PAH: variants seen among roughly 807,000 people sequenced by gnomAD.
PAH encodes the protein phenylalanine-4-hydroxylase.
PAH carries 64 observed loss-of-function variants against 62.0 expected under a neutral mutation model. The ratio of observed to expected loss-of-function variants is 1.03; its 90% CI spans 0.84 to 1.27. The LOEUF (loss-of-function observed/expected upper bound fraction) is 1.27, where lower values mean the gene tolerates loss of function less well. Among genes scored for constraint, PAH ranks in the 50% most tolerant of loss-of-function variants. The pLI is 0.00. For missense variants in PAH, 579 were observed against 542.8 expected, an observed-to-expected ratio of 1.07 and a Z score of -0.66; for synonymous variants, 195 against 196.2, an observed-to-expected ratio of 0.99 and a Z score of 0.05.
At chr12:102,885,715 A>G (rs1274875879) in intron 3 of PAH, among the ~76,000 whole-genome samples, 1 of 152,152 alleles carries the variant, frequency 6.6e-6, no homozygotes, top group Non-Finnish European at 1.5e-5. Context: ...CTTCCTGGCC[A>G]GTGGGTCAGA....
rs1319586288 is a variant in PAH, at chr12:102,944,618, T to C, written c.-96+5971A>G. On this transcript the variant is annotated intron_variant, in intron 1 of 3. Transcript: ENST00000546844. Reference sequence around the variant, plus strand: ...AATTCTTTTTAATTGTTTTAAATTTTGATAAATTCATCCAATAGAATTCTG... The same window carrying C: ...AATTCTTTTTAATTGTTTTAAATTTCGATAAATTCATCCAATAGAATTCTG... Among the ~76,000 whole-genome samples the C allele has an allele frequency of 3.3e-5, 5 of 152,260 alleles. 1 individual carries two copies. The highest frequency in any genetic ancestry group is 1.3e-4 in the Admixed American group (2 of 15,292).
chr12:102,935,338 A>G (rs1006864760), intron 1 of PAH, among the ~76,000 whole-genome samples: 1 of 152,074 alleles, frequency 6.6e-6, no homozygotes, highest in Non-Finnish European at 1.5e-5. Flanking sequence ...TTCTTTAGGA[A>G]TACTGGCCTG....
chr12:102,940,293 C>T (rs1297587874), intron 1 of PAH, among the ~76,000 whole-genome samples: 1 of 152,234 alleles, frequency 6.6e-6, no homozygotes, highest in Non-Finnish European at 1.5e-5. Flanking sequence ...CAAAAGACCA[C>T]ATTAGCTTTC....
rs138147996 is a variant in PAH, at chr12:102,881,458, G to A, written c.353-3908C>T. On this transcript the variant is annotated intron_variant, in intron 3 of 12. Transcript: ENST00000553106. Reference sequence around the variant, plus strand: ...TCTCATGTAGTCATTTTTCCTGTGCGGGTATGGAGTGGGACAAGGACACTT... The same window carrying A: ...TCTCATGTAGTCATTTTTCCTGTGCAGGTATGGAGTGGGACAAGGACACTT... Among the ~76,000 whole-genome samples the A allele has an allele frequency of 2.5e-3, 378 of 152,018 alleles. 1 individual carries two copies. Among genetic ancestry groups the A allele is most frequent in the African/African-American group, 8.4e-3 (347 of 41,456 alleles).
At chr12:102,843,473 C>T (rs1003258726) in intron 11 of PAH, among the ~76,000 whole-genome samples, 173 bp downstream of exon 11, 3 of 151,970 alleles carry the variant, frequency 2.0e-5, no homozygotes, top group Admixed American at 6.5e-5. Context: ...GCATGCCCAA[C>T]CTTCCAACAG....
chr12:102,838,160 T>G lies in PAH; in HGVS notation c.*1015A>C, dbSNP rs551888566. The G allele has an allele frequency of 6.6e-6, 1 of 152,322 alleles. No individual in the cohort carries two copies. Among genetic ancestry groups the G allele is most frequent in the African/African-American group, 2.4e-5 (1 of 41,580 alleles). 9.4% of individuals were successfully genotyped at this position (152,322 alleles called of 1,614,324 possible). A position where few individuals can be genotyped will look rare whatever the true frequency, so the allele number is the denominator to read the frequency against. On this transcript the variant is annotated 3_prime_UTR_variant, in exon 13 of 13. Transcript: ENST00000553106. Reference sequence around the variant, plus strand: ...ACAATCAACAAAAGTCAAAGTCCGTTGACTGTCCAGGCATGACTTTGAGTG... The same window carrying G: ...ACAATCAACAAAAGTCAAAGTCCGTGGACTGTCCAGGCATGACTTTGAGTG...
intron 1 of PAH, among the ~76,000 whole-genome samples, chr12:102,926,072 TAAAC>T (rs34836975): frequency 0.032 from 4,794 of 152,114 alleles, 260 homozygotes; most frequent in African/African-American, 0.11. Flanking sequence ...CTGTTTATGA[TAAAC>T]AGGAGAGTCT....
At chr12:102,944,962 C>T (rs1360012919) in intron 1 of PAH, 2 of 152,258 alleles carry the variant, frequency 1.3e-5, no homozygotes, top group African/African-American at 4.8e-5. Flanking sequence ...ATCACTGCGG[C>T]TGCATTTGCA....
intron 11 of PAH, among the ~76,000 whole-genome samples, chr12:102,843,337 G>A (rs901148229): frequency 9.2e-5 from 14 of 152,202 alleles, no homozygotes; most frequent in East Asian, 7.7e-4. Flanking sequence ...GACTTCCTAG[G>A]TTATAAGACT....
chr12:102,909,401 T>G (rs1361606781), intron 2 of PAH, among the ~76,000 whole-genome samples: 2 of 152,188 alleles, frequency 1.3e-5, no homozygotes, highest in African/African-American at 4.8e-5. Context: ...TTTTAATTTT[T>G]TTTTACTATT....
At chr12:102,927,597 G>GAAAT (rs770810706) in intron 1 of PAH, among the ~76,000 whole-genome samples, 15 of 152,076 alleles carry the variant, frequency 9.9e-5, no homozygotes, top group Non-Finnish European at 7.4e-5. Flanking sequence ...GGGGAGAAAT[G>GAAAT]AAATCTTCAG....
At chr12:102,861,475 T>C (rs1343749437) in intron 5 of PAH, among the ~76,000 whole-genome samples, 1 of 152,220 alleles carries the variant, frequency 6.6e-6, no homozygotes, top group Non-Finnish European at 1.5e-5. Flanking sequence ...GCCATCCCAT[T>C]ACTGGGTATA....
At chr12:102,947,646 G>A (rs745465162) in intron 1 of PAH, among the ~76,000 whole-genome samples, 1 of 152,208 alleles carries the variant, frequency 6.6e-6, no homozygotes, top group African/African-American at 2.4e-5. Flanking sequence ...GAAGAGATGA[G>A]TGATCAGCAG....
At chr12:102,885,643 AAG>A (rs1877008581) in intron 3 of PAH, among the ~76,000 whole-genome samples, 1 of 152,174 alleles carries the variant, frequency 6.6e-6, no homozygotes, top group Admixed American at 6.5e-5. Flanking sequence ...CCGGGACGCC[AAG>A]GGGTGGCTGG....
chr12:102,854,996 C>G (rs1875343207), intron 6 of PAH, 140 bp downstream of exon 6: 1 of 751,416 alleles, frequency 1.3e-6, no homozygotes, highest in Non-Finnish European at 2.4e-6. Context: ...TTAGTTCTTC[C>G]TGGAGGAATC....
intron 4 of PAH, among the ~76,000 whole-genome samples, chr12:102,876,031 T>A (rs1214952204): frequency 6.9e-6 from 1 of 144,916 alleles, no homozygotes; most frequent in Non-Finnish European, 1.5e-5. Flanking sequence ...AATAGTGTGA[T>A]AATAGGTGAT....
chr12:102,924,459 A>C (rs902045947), intron 1 of PAH, among the ~76,000 whole-genome samples: 24 of 152,156 alleles, frequency 1.6e-4, no homozygotes, highest in African/African-American at 5.3e-4. Flanking sequence ...TTTCTATGGC[A>C]TTTCTATATA....
intron 1 of PAH, among the ~76,000 whole-genome samples, chr12:102,929,190 T>C (rs1006264431): frequency 6.6e-6 from 1 of 152,198 alleles, no homozygotes; most frequent in Admixed American, 6.5e-5. Context: ...ACCTCTTTCC[T>C]TTATTAATTA....
chr12:102,848,603 G>A (rs1874991646), intron 8 of PAH, among the ~76,000 whole-genome samples: 1 of 151,736 alleles, frequency 6.6e-6, no homozygotes, highest in Non-Finnish European at 1.5e-5. Context: ...AGACTGGAGA[G>A]GTTGAGGGTA....
Sources: gnomAD v4.1 joint callset for allele counts (sites outside exome capture counted in the v4.1 genomes callset) on GRCh38, gnomAD v4.1.1 for gene constraint, MANE v1.5 for transcripts, NCBI Gene and HGNC (gene_info 2026-07-23, HGNC 2026-07-21) for gene names.